The following EXOC6B variants were observed in gnomAD, a reference collection of about 807,000 sequenced individuals.
EXOC6B encodes SEC15 homolog B.
EXOC6B carries 54 observed loss-of-function variants against 113.5 expected under a neutral mutation model. That is an observed-to-expected ratio of 0.48 (90% CI 0.38 to 0.60). EXOC6B has a LOEUF of 0.60. Ranked by LOEUF, EXOC6B falls within the 20% of genes least tolerant of loss-of-function variation. The pLI is 0.00. For synonymous variants in EXOC6B, 357 were observed against 339.0 expected (o/e 1.05, Z -0.58); for missense variants, 797 against 977.5 (o/e 0.82, Z 2.46).
intron 18 of EXOC6B, chr2:72,461,817 T>C (rs1444867958): frequency 6.6e-6 from 1 of 151,964 alleles, no homozygotes; most frequent in Non-Finnish European, 1.5e-5. Flanking sequence ...GGTATGAAAA[T>C]ACCTATTTCC....
intron 1 of EXOC6B, among the ~76,000 whole-genome samples, chr2:72,772,355 G>A (rs1451207192): frequency 6.6e-6 from 1 of 151,968 alleles, no homozygotes; most frequent in Non-Finnish European, 1.5e-5. Context: ...CCAGTGCCAG[G>A]ATGGCCCCCA....
chr2:72,312,369 G>A (rs1687244106), intron 20 of EXOC6B, among the ~76,000 whole-genome samples: 1 of 151,568 alleles, frequency 6.6e-6, no homozygotes, highest in African/African-American at 2.4e-5. Context: ...GAATTGAAAA[G>A]TATTAATTAA....
intron 16 of EXOC6B, among the ~76,000 whole-genome samples, chr2:72,485,082 G>A (rs1249664802): frequency 6.6e-6 from 1 of 152,114 alleles, no homozygotes; most frequent in Admixed American, 6.5e-5. Flanking sequence ...TACATTCCCA[G>A]CAACGGTGTA....
intron 19 of EXOC6B, among the ~76,000 whole-genome samples, chr2:72,378,632 T>A (rs549371264): frequency 6.6e-6 from 1 of 152,172 alleles, no homozygotes; most frequent in Non-Finnish European, 1.5e-5. Flanking sequence ...CTTTTTAAAT[T>A]AAAAATAGCA....
At chr2:72,328,908 A>G (rs1418675129) in intron 20 of EXOC6B, among the ~76,000 whole-genome samples, 1 of 152,072 alleles carries the variant, frequency 6.6e-6, no homozygotes, top group Non-Finnish European at 1.5e-5. Flanking sequence ...CATAGTAATG[A>G]CATCTTCTAA....
At chr2:72,535,945 A>G (rs1239450304) in intron 8 of EXOC6B, among the ~76,000 whole-genome samples, 3 of 152,160 alleles carry the variant, frequency 2.0e-5, no homozygotes, top group Non-Finnish European at 4.4e-5. Flanking sequence ...TGTTCAGGCT[A>G]AAAGTAGTGT....
chr2:72,600,508 A>T (rs527774849), intron 6 of EXOC6B, among the ~76,000 whole-genome samples: 1 of 152,124 alleles, frequency 6.6e-6, no homozygotes, highest in Admixed American at 6.6e-5. Flanking sequence ...AAGAACAGAA[A>T]AATAAATCAA....
intron 6 of EXOC6B, among the ~76,000 whole-genome samples, chr2:72,612,863 A>G (rs1473738635): frequency 6.6e-6 from 1 of 152,208 alleles, no homozygotes; most frequent in East Asian, 1.9e-4. Context: ...TGCATTCCAA[A>G]CATTACAGAA....
intron 20 of EXOC6B, among the ~76,000 whole-genome samples, chr2:72,249,826 AATAGCTGG>A (rs1682895647): frequency 1.3e-5 from 2 of 152,232 alleles, no homozygotes; most frequent in African/African-American, 4.8e-5. Flanking sequence ...TTACCTAATT[AATAGCTGG>A]TTGAACTGCA....
intron 3 of EXOC6B, 35 bp from the exon 4 acceptor site, chr2:72,731,280 T>A (rs1466889803): frequency 2.7e-6 from 4 of 1,493,744 alleles, no homozygotes; most frequent in Non-Finnish European, 3.7e-6. Flanking sequence ...ATTATGCCTA[T>A]GGCTGTAAAT....
intron 20 of EXOC6B, among the ~76,000 whole-genome samples, chr2:72,228,728 G>A (rs1448529649): frequency 4.6e-5 from 7 of 152,114 alleles, no homozygotes; most frequent in African/African-American, 1.2e-4. Context: ...ATAAACATAC[G>A]TGTGTATGTG....
At chr2:72,604,089 C>G (rs1159454535) in intron 6 of EXOC6B, among the ~76,000 whole-genome samples, 2 of 152,092 alleles carry the variant, frequency 1.3e-5, no homozygotes, top group Admixed American at 6.5e-5. Flanking sequence ...TTATTAGTCC[C>G]TGGTCATTTG....
intron 18 of EXOC6B, among the ~76,000 whole-genome samples, chr2:72,460,080 A>G (rs1296824064): frequency 1.8e-4 from 28 of 151,964 alleles, no homozygotes; most frequent in Non-Finnish European, 2.5e-4. Context: ...ATCTTTGACA[A>G]ACCTGAGAAA....
At chr2:72,563,261 A>G (rs1192254465) in intron 7 of EXOC6B, among the ~76,000 whole-genome samples, 1 of 152,124 alleles carries the variant, frequency 6.6e-6, no homozygotes, top group Non-Finnish European at 1.5e-5. Flanking sequence ...TCACAATTAG[A>G]GATCATTGAT....
intron 18 of EXOC6B, among the ~76,000 whole-genome samples, chr2:72,430,401 C>A (rs143182753): frequency 6.6e-6 from 1 of 152,126 alleles, no homozygotes; most frequent in Non-Finnish European, 1.5e-5. Flanking sequence ...TTTGGGAGGC[C>A]AAGGCGGGTG....
At chr2:72,351,752 C>T (rs1023064672) in intron 19 of EXOC6B, among the ~76,000 whole-genome samples, 6 of 152,010 alleles carry the variant, frequency 3.9e-5, no homozygotes, top group African/African-American at 1.4e-4. Context: ...GATTTATCAC[C>T]CTTTTGCTAT....
intron 20 of EXOC6B, among the ~76,000 whole-genome samples, chr2:72,303,108 G>A (rs1255987396): frequency 6.6e-6 from 1 of 152,114 alleles, no homozygotes; most frequent in Non-Finnish European, 1.5e-5. Context: ...GAAATTCTTG[G>A]TTGAAGTTTT....
chr2:72,417,892 T>C (rs1190337585), intron 18 of EXOC6B, among the ~76,000 whole-genome samples: 1 of 152,170 alleles, frequency 6.6e-6, no homozygotes, highest in Non-Finnish European at 1.5e-5. Context: ...ATTTTTATCT[T>C]ATTTTGAGTA....
At chr2:72,394,551 C>A (rs896524440) in intron 18 of EXOC6B, among the ~76,000 whole-genome samples, 1 of 152,026 alleles carries the variant, frequency 6.6e-6, no homozygotes, top group Non-Finnish European at 1.5e-5. Context: ...ACTGTATAAA[C>A]CTCCATAGAA....
Sources: gnomAD v4.1 joint callset for allele counts (sites outside exome capture counted in the v4.1 genomes callset) on GRCh38, gnomAD v4.1.1 for gene constraint, MANE v1.5 for transcripts, NCBI Gene and HGNC (gene_info 2026-07-23, HGNC 2026-07-21) for gene names.